The following GRM1 variants were observed in gnomAD, a reference collection of about 807,000 sequenced individuals.
GRM1 encodes metabotropic glutamate receptor 1.
Under a neutral mutation model 90.9 loss-of-function variants are expected in GRM1, and 33 were observed. The observed-to-expected ratio is 0.36, with a 90% CI of 0.28 to 0.49. GRM1 has a LOEUF of 0.49. Among genes scored for constraint, GRM1 ranks in the 20% least tolerant of loss-of-function variants. The probability of loss-of-function intolerance (pLI) is 0.99; values close to 1 mark genes in which losing one functional copy is unlikely to be tolerated. For missense variants in GRM1, 1,190 were observed against 1,534.3 expected, an observed-to-expected ratio of 0.78 and a Z score of 3.75; for synonymous variants, 700 against 613.2, an observed-to-expected ratio of 1.14 and a Z score of -2.09.
At chr6:146,083,000 T>C (rs1374277430) in intron 1 of GRM1, among the ~76,000 whole-genome samples, 1 of 152,194 alleles carries the variant, frequency 6.6e-6, no homozygotes, top group African/African-American at 2.4e-5. Flanking sequence ...TTGTAGCAAT[T>C]GTGAATGGGA....
At chr6:146,153,317 T>C (rs1267738381) in intron 1 of GRM1, among the ~76,000 whole-genome samples, 2 of 152,210 alleles carry the variant, frequency 1.3e-5, no homozygotes, top group African/African-American at 4.8e-5. Flanking sequence ...TCAGTTTGTA[T>C]GCTCTTTGCA....
chr6:146,110,834 T>C (rs1775530484), intron 1 of GRM1, among the ~76,000 whole-genome samples: 1 of 152,216 alleles, frequency 6.6e-6, no homozygotes. Context: ...ACCTAGTTAC[T>C]GACATTTATT....
At chr6:146,312,025 G>A (rs1040124229) in intron 3 of GRM1, among the ~76,000 whole-genome samples, 1 of 151,854 alleles carries the variant, frequency 6.6e-6, no homozygotes, top group Non-Finnish European at 1.5e-5. Context: ...TCTTTCTGCT[G>A]ATGCAATTGT....
chr6:146,175,226 T>C (rs1778297253), intron 2 of GRM1, among the ~76,000 whole-genome samples: 1 of 152,220 alleles, frequency 6.6e-6, no homozygotes, highest in African/African-American at 2.4e-5. Flanking sequence ...GGAAATCACT[T>C]TTTCTGATTA....
intron 1 of GRM1, among the ~76,000 whole-genome samples, chr6:146,151,619 C>A (rs1244457387): frequency 1.3e-5 from 2 of 152,152 alleles, no homozygotes; most frequent in African/African-American, 4.8e-5. Flanking sequence ...CACTAAGTCA[C>A]TATAAATCAA....
At position 146,434,300 on chromosome 6, in the gene GRM1, T is replaced by C; in HGVS notation, c.3089T>C (p.Leu1030Pro). 2 of 1,604,850 alleles carry C rather than the reference T, an allele frequency of 1.2e-6. No homozygotes were observed. The highest frequency in any genetic ancestry group is 1.7e-5 in the Admixed American group (1 of 59,760). Residue 1030 changes from leucine (L) to proline (P), a missense_variant, in exon 8 of 8, where the codon CTG becomes CCG. Coordinates refer to ENST00000282753, the MANE Select transcript of GRM1 (RefSeq NM_001278064.2). ...QQQPPPQQKS[L>P]MDQLQGVVSN... ...CAACCCCCTCCACAGCAGAAATCGCTGATGGACCAGCTCCAGGGAGTGGTC... is the reference window on the plus strand; with the variant it reads ...CAACCCCCTCCACAGCAGAAATCGCCGATGGACCAGCTCCAGGGAGTGGTC...
chr6:146,212,049 T>G (rs2114648794), intron 2 of GRM1, among the ~76,000 whole-genome samples: 1 of 152,270 alleles, frequency 6.6e-6, no homozygotes, highest in Admixed American at 6.5e-5. Flanking sequence ...TGTCCACAGG[T>G]GAAATTTATT....
At chr6:146,322,574 CTTTTA>C (rs59946587) in intron 3 of GRM1, among the ~76,000 whole-genome samples, 1,475 of 144,964 alleles carry the variant, frequency 0.01, 11 homozygotes, top group Middle Eastern at 0.017. Flanking sequence ...TGCTGCCTTT[CTTTTA>C]TTTTATTTTA....
At chr6:146,279,156 A>G (rs1287125509) in intron 2 of GRM1, among the ~76,000 whole-genome samples, 1 of 152,146 alleles carries the variant, frequency 6.6e-6, no homozygotes, top group Non-Finnish European at 1.5e-5. Flanking sequence ...CATTTTTATA[A>G]TAATTTCTGT....
At chr6:146,333,954 G>C (rs559056115) in intron 3 of GRM1, among the ~76,000 whole-genome samples, 5 of 152,188 alleles carry the variant, frequency 3.3e-5, no homozygotes, top group African/African-American at 1.2e-4. Context: ...TAAATAATAG[G>C]GAAAATAAAG....
chr6:146,266,972 G>A (rs1781912537), intron 2 of GRM1, among the ~76,000 whole-genome samples: 1 of 152,184 alleles, frequency 6.6e-6, no homozygotes, highest in South Asian at 2.1e-4. Flanking sequence ...GTAGTTTGCT[G>A]CACAGATCAT....
intron 7 of GRM1, among the ~76,000 whole-genome samples, chr6:146,427,702 T>C (rs1390041041): frequency 6.6e-6 from 1 of 152,204 alleles, no homozygotes; most frequent in Non-Finnish European, 1.5e-5. Context: ...AATATGGTAG[T>C]CCTGCTGGTG....
At chr6:146,086,742 G>A (rs1337031468) in intron 1 of GRM1, among the ~76,000 whole-genome samples, 2 of 152,012 alleles carry the variant, frequency 1.3e-5, no homozygotes, top group Non-Finnish European at 2.9e-5. Flanking sequence ...GGTAGGCAGT[G>A]CAGATATGCA....
rs764811450 is a variant in GRM1, at chr6:146,150,936, G to GCACA, written c.701-8411_701-8410insACAC. On this transcript the variant is annotated intron_variant, in intron 1 of 7. Coordinates refer to ENST00000282753, the MANE Select transcript of GRM1 (RefSeq NM_001278064.2). ...TGTATAAACACACACACGCGTGTGC[G>GCACA]CGCACACACACACACACACACACAC... is the stretch of plus-strand genomic sequence containing the variant. Among the ~76,000 whole-genome samples the GCACA allele has an allele frequency of 7.2e-4, 32 of 44,678 alleles. 1 individual carries two copies. The highest frequency in any genetic ancestry group is 2.8e-3 in the South Asian group (3 of 1,062). 29.3% of individuals were successfully genotyped at this position (44,678 alleles called of 152,430 possible).
intron 2 of GRM1, among the ~76,000 whole-genome samples, chr6:146,207,692 G>A (rs989365394): frequency 2.0e-5 from 3 of 152,060 alleles, no homozygotes; most frequent in South Asian, 2.1e-4. Flanking sequence ...TTTAAAATAG[G>A]CAACTAAAAG....
At chr6:146,287,640 G>C (rs1407229905) in intron 2 of GRM1, among the ~76,000 whole-genome samples, 1 of 152,108 alleles carries the variant, frequency 6.6e-6, no homozygotes, top group African/African-American at 2.4e-5. Context: ...CCCAACTCAT[G>C]TTTACAACAT....
chr6:146,404,799 C>T (rs1005586873), intron 7 of GRM1, among the ~76,000 whole-genome samples: 2 of 152,096 alleles, frequency 1.3e-5, no homozygotes, highest in East Asian at 3.8e-4. Flanking sequence ...TCACAAGGTG[C>T]AATAAAGGTT....
intron 7 of GRM1, among the ~76,000 whole-genome samples, chr6:146,406,252 G>T (rs572541936): frequency 6.6e-6 from 1 of 152,264 alleles, no homozygotes; most frequent in African/African-American, 2.4e-5. Flanking sequence ...CCAACTCTGA[G>T]GATGTTTGTG....
chr6:146,215,695 C>T (rs1779846293), intron 2 of GRM1, among the ~76,000 whole-genome samples: 1 of 151,852 alleles, frequency 6.6e-6, no homozygotes, highest in African/African-American at 2.4e-5. Context: ...TTTCACAGCA[C>T]ATGCCTGTAT....
Sources: gnomAD v4.1 joint callset for allele counts (sites outside exome capture counted in the v4.1 genomes callset) on GRCh38, gnomAD v4.1.1 for gene constraint, MANE v1.5 for transcripts, NCBI Gene and HGNC (gene_info 2026-07-23, HGNC 2026-07-21) for gene names.